Variants in PPP1R3C observed in about 807,000 individuals in gnomAD.
The protein encoded by PPP1R3C is protein phosphatase 1 regulatory subunit 3C.
In PPP1R3C, 20 loss-of-function variants were observed where a neutral mutation model predicts 29.3. The ratio of observed to expected loss-of-function variants is 0.68; its 90% confidence interval spans 0.48 to 0.99. The LOEUF (loss-of-function observed/expected upper bound fraction) is 0.99. Ranked by LOEUF, PPP1R3C falls within the 50% of genes least tolerant of loss-of-function variation. The pLI, the probability that PPP1R3C is intolerant of heterozygous loss-of-function variation, is 0.00. For missense variants in PPP1R3C, 321 were observed against 386.0 expected, an observed-to-expected ratio of 0.83 and a Z score of 1.41; for synonymous variants, 123 against 143.1, an observed-to-expected ratio of 0.86 and a Z score of 1.00.
intron 1 of PPP1R3C, 82 bp downstream of exon 1, chr10:91,632,874 G>C: frequency 1.9e-6 from 3 of 1,542,866 alleles, no homozygotes; most frequent in South Asian, 2.4e-5. Flanking sequence ...TTCCAGAGAT[G>C]ATAGAACTGA....
chr10:91,630,101 T>C lies in PPP1R3C; in HGVS notation c.780A>G (p.Gln260=), dbSNP rs753730318. The C allele has an allele frequency of 3.1e-5, 50 of 1,614,098 alleles. No homozygotes were observed. The highest frequency in any genetic ancestry group is 5.5e-5 in the South Asian group (5 of 91,090). ...DGQNYRIVHV[Q]WKPDGVQTQM... is the part of the protein sequence containing the mutation. ...GTGTCTGCACCCCATCAGGCTTCCA[T>C]TGAACATGAACAATTCTATAATTCT... The change falls in exon 2 of 2, where the codon CAA becomes CAG. Residue 260 remains glutamine (Q), a synonymous_variant. Coordinates refer to ENST00000238994, the MANE Select transcript of PPP1R3C (RefSeq NM_005398.7). This position sits in a 1 kb window ranked among gnomAD's most constrained non-coding sequence, Gnocchi z 4.4.
chr10:91,633,050 G>C lies in PPP1R3C; in HGVS notation c.-81C>G. On this transcript the variant is annotated 5_prime_UTR_variant, in exon 1 of 2. Transcript: ENST00000238994. ...AACCACAGCTCCAGGCCTTGCCCCC[G>C]CGGCGGTCGCTGGGAGAGACTGAGG... The C allele has an allele frequency of 6.4e-7, 1 of 1,561,136 alleles. No homozygotes were observed. Among genetic ancestry groups the C allele is most frequent in the Non-Finnish European group, 8.7e-7 (1 of 1,149,430 alleles).
At position 91,628,645 on chromosome 10, in the gene PPP1R3C, G is replaced by A. The variant is rs1383152580; in HGVS notation, c.*1282C>T. On this transcript the variant is annotated 3_prime_UTR_variant, in exon 2 of 2. Transcript: ENST00000238994. ...TCTTGTAACACCTCTCAATGGTTGT[G>A]CACAATAATAGAAGCAACATTCTGG... 6.6e-6 allele frequency: 1 copy of A among 152,064 alleles called. No individual in the cohort carries two copies. Among genetic ancestry groups the A allele is most frequent in the Admixed American group, 6.6e-5 (1 of 15,266 alleles). The allele number at this position is 152,064 out of a possible 1,614,324, so 9.4% of individuals were successfully genotyped here. A position where few individuals can be genotyped will look rare whatever the true frequency, so the allele number is the denominator to read the frequency against.
chr10:91,630,165 T>C lies in PPP1R3C; in HGVS notation c.716A>G (p.His239Arg), dbSNP rs553748981. 8.7e-6 allele frequency: 14 copies of C among 1,614,184 alleles called. No homozygotes were observed. The highest frequency in any genetic ancestry group is 6.8e-6 in the Non-Finnish European group (8 of 1,180,036). ...GTCCCAAAAGACTTGCCCATTAGCA[T>C]GGTAAGAAATGCAGAACTCAATTTT... is the stretch of plus-strand genomic sequence containing the variant. ...EQKIEFCISY[H>R]ANGQVFWDNN... Residue 239 changes from histidine to arginine, a missense_variant, in exon 2 of 2, where the codon CAT becomes CGT. Coordinates refer to ENST00000238994, the MANE Select transcript of PPP1R3C (RefSeq NM_005398.7). This position sits in a 1 kb window ranked among gnomAD's most constrained non-coding sequence, Gnocchi z 4.4.
rs111582893 is a variant in PPP1R3C, at chr10:91,630,536, A to C, written c.345T>G (p.Asp115Glu). 4,432 of 1,614,144 alleles carry C rather than the reference A, an allele frequency of 2.7e-3. 115 individuals carry two copies. The African/African-American group carries it at 0.052, about 19-fold the overall frequency. Residue 115 changes from aspartate to glutamate, a missense_variant, in exon 2 of 2, where the codon GAT (aspartate) becomes GAG (glutamate). Asp to Glu is a conservative substitution (Grantham distance 45). Coordinates refer to ENST00000238994, the MANE Select transcript of PPP1R3C (RefSeq NM_005398.7). This position sits in a 1 kb window ranked among gnomAD's most constrained non-coding sequence, Gnocchi z 4.4. Reference sequence around the variant, plus strand: ...AGGAGATATCATTAAGGTCCAAGAGATCAAACTGCAGATCCCACGCTGGTT... The same window carrying C: ...AGGAGATATCATTAAGGTCCAAGAGCTCAAACTGCAGATCCCACGCTGGTT... Reference protein sequence around the residue: ...PEEPAWDLQFDLLDLNDISSA... With the variant: ...PEEPAWDLQFELLDLNDISSA...
chr10:91,630,258 T>A lies in PPP1R3C; in HGVS notation c.623A>T (p.Tyr208Phe), dbSNP rs1303503889. ...DVDCVYMKNV[Y>F]GGTDSDTFSF... ...GAAGGTATCACTATCTGTGCCACCA[T>A]ACACATTTTTCATATAGACACAGTC... Residue 208 changes from tyrosine (Y) to phenylalanine (F), a missense_variant, in exon 2 of 2, where the codon TAT becomes TTT. By Grantham distance (22) the Tyr-to-Phe change is conservative. Coordinates refer to ENST00000238994, the MANE Select transcript of PPP1R3C (RefSeq NM_005398.7). The surrounding 1 kb of genome is among the most constrained non-coding windows in gnomAD (Gnocchi z 4.4). 1 of 1,614,104 alleles carries A rather than the reference T, an allele frequency of 6.2e-7. No homozygotes were observed. The highest frequency in any genetic ancestry group is 1.3e-5 in the African/African-American group (1 of 74,948).
At chr10:91,632,892 C>G in intron 1 of PPP1R3C, 64 bp downstream of exon 1, 2 of 1,575,730 alleles carry the variant, frequency 1.3e-6, no homozygotes, top group Non-Finnish European at 1.7e-6. Context: ...TGAAACGCCC[C>G]CCAACTTCCC....
At position 91,632,332 on chromosome 10, in the gene PPP1R3C, C is replaced by A. The variant is rs78764601; in HGVS notation, c.14+624G>T. ...TAATAGGCAGGATTTTTAGAGAAGT[C>A]TTCTGCTAAGCTATGTCTGGAGAAG... is the stretch of plus-strand genomic sequence containing the variant. On this transcript the variant is annotated intron_variant, in intron 1 of 1. Coordinates refer to ENST00000238994, the MANE Select transcript of PPP1R3C (RefSeq NM_005398.7). Among the ~76,000 whole-genome samples the A allele has an allele frequency of 2.6e-3, 396 of 151,038 alleles. 1 individual carries two copies. The highest frequency in any genetic ancestry group is 4.5e-3 in the Non-Finnish European group (308 of 67,936).
intron 1 of PPP1R3C, among the ~76,000 whole-genome samples, chr10:91,632,467 T>G (rs1848727475): frequency 6.6e-6 from 1 of 152,120 alleles, no homozygotes; most frequent in African/African-American, 2.4e-5. Context: ...CCTTGGAACT[T>G]TAAGTCCTGG....
intron 1 of PPP1R3C, among the ~76,000 whole-genome samples, chr10:91,632,401 T>G (rs1234857755): frequency 5.2e-5 from 7 of 135,188 alleles, no homozygotes; most frequent in Admixed American, 1.4e-4. Context: ...GGTTTTTTTG[T>G]TTTTTTTTTT....
chr10:91,629,662 GGAA>G lies in PPP1R3C; in HGVS notation c.*262_*264del. 2 of 489,938 alleles carry G rather than the reference GGAA, an allele frequency of 4.1e-6. No individual in the cohort carries two copies. Among genetic ancestry groups the G allele is most frequent in the South Asian group, 4.8e-5 (2 of 41,904 alleles). 30.3% of individuals were successfully genotyped at this position (489,938 alleles called of 1,614,324 possible). On this transcript the variant is annotated 3_prime_UTR_variant, in exon 2 of 2. Coordinates refer to ENST00000238994, the MANE Select transcript of PPP1R3C (RefSeq NM_005398.7). ...TGAAAGCTAGTGGATTGAGAGGGAA[GGAA>G]GAAGGGAACTGAAAAAGTATTACCT...
chr10:91,632,850 C>A (rs983138561), intron 1 of PPP1R3C, 106 bp downstream of exon 1: 1 of 1,488,098 alleles, frequency 6.7e-7, no homozygotes, highest in Admixed American at 2.0e-5. Context: ...TTGTCCTCCC[C>A]CTGGGGTGTC....
Position 91,630,462 on chromosome 10 carries a change from T to C in PPP1R3C, c.419A>G (p.Gln140Arg). The C allele has an allele frequency of 6.2e-7, 1 of 1,614,226 alleles. No homozygotes were observed. Among genetic ancestry groups the C allele is most frequent in the Non-Finnish European group, 8.5e-7 (1 of 1,180,048 alleles). ...EEKNLILDFP[Q>R]PSTDYLSFRS... ...GAAACTTAAGTAATCGGTTGAAGGC[T>C]GAGGGAAATCTAAAATCAAGTTTTT... is the stretch of plus-strand genomic sequence containing the variant. Residue 140 changes from glutamine (Q) to arginine (R), a missense_variant, in exon 2 of 2, where the codon CAG becomes CGG. Physicochemically the swap from Gln to Arg is conservative, Grantham distance 43. Transcript: ENST00000238994. This position sits in a 1 kb window ranked among gnomAD's most constrained non-coding sequence, Gnocchi z 4.4.
chr10:91,630,880 A>G lies in PPP1R3C; in HGVS notation c.15-14T>C, dbSNP rs2133484121. ...ACCTGGATCATTCTGGAATGCAAAA[A>G]GAAGAGGGATTATCACCTGGATCGG... On this transcript the variant is annotated splice_polypyrimidine_tract_variant and intron_variant, in intron 1 of 1. Transcript: ENST00000238994. The surrounding 1 kb of genome is among the most constrained non-coding windows in gnomAD (Gnocchi z 4.4). The G allele has an allele frequency of 6.2e-7, 1 of 1,600,524 alleles. No homozygotes were observed. The highest frequency in any genetic ancestry group is 8.5e-7 in the Non-Finnish European group (1 of 1,173,884).
Position 91,632,850 on chromosome 10 carries a change from C to G in PPP1R3C, c.14+106G>C, listed in dbSNP as rs983138561. The G allele has an allele frequency of 9.4e-6, 14 of 1,488,098 alleles. No homozygotes were observed. The Middle Eastern group carries it at 5.1e-4, about 54-fold the overall frequency. The allele number at this position is 1,488,098 out of a possible 1,614,324, so 92.2% of individuals were successfully genotyped here. On this transcript the variant is annotated intron_variant, in intron 1 of 1. Coordinates refer to ENST00000238994, the MANE Select transcript of PPP1R3C (RefSeq NM_005398.7). ...ACGCAGTCAGTCCACTTGTCCTCCC[C>G]CTGGGGTGTCCATTTCCAGAGATGA...
At chr10:91,631,867 T>C (rs1227212215) in intron 1 of PPP1R3C, among the ~76,000 whole-genome samples, 1 of 152,196 alleles carries the variant, frequency 6.6e-6, no homozygotes, top group African/African-American at 2.4e-5. Context: ...GTGATAGGAT[T>C]ATAGATTATC....
rs780634977 is a variant in PPP1R3C, at chr10:91,630,519, T to A, written c.362A>T (p.Asp121Val). 1.2e-6 allele frequency: 2 copies of A among 1,614,154 alleles called. No homozygotes were observed. The highest frequency in any genetic ancestry group is 1.7e-6 in the Non-Finnish European group (2 of 1,180,022). ...GTGGTGTTTTAAGGCAGAGGAGATA[T>A]CATTAAGGTCCAAGAGATCAAACTG... ...DLQFDLLDLN[D>V]ISSALKHHEE... The change falls in exon 2 of 2, where the codon GAT becomes GTT. Residue 121 changes from aspartate to valine, a missense_variant. Coordinates refer to ENST00000238994, the MANE Select transcript of PPP1R3C (RefSeq NM_005398.7). This position sits in a 1 kb window ranked among gnomAD's most constrained non-coding sequence, Gnocchi z 4.4.
chr10:91,630,393 G>A lies in PPP1R3C; in HGVS notation c.488C>T (p.Ser163Leu), dbSNP rs201906651. The change falls in exon 2 of 2, where the codon TCG becomes TTG. Residue 163 changes from serine (S) to leucine (L), a missense_variant. Transcript: ENST00000238994. The surrounding 1 kb of genome is among the most constrained non-coding windows in gnomAD (Gnocchi z 4.4). ...CCCTGTCACTGTTCGCTCTTGCAAC[G>A]AGCAGTTCTCCAGACAGACAAAGTT... ...QKNFVCLENC[S>L]LQERTVTGTV... 133 of 1,614,134 alleles carry A rather than the reference G, an allele frequency of 8.2e-5. No homozygotes were observed. Among genetic ancestry groups the A allele is most frequent in the Non-Finnish European group, 5.8e-5 (68 of 1,180,024 alleles).
chr10:91,631,399 C>T (rs1176165984), intron 1 of PPP1R3C, among the ~76,000 whole-genome samples: 1 of 152,074 alleles, frequency 6.6e-6, no homozygotes, highest in Non-Finnish European at 1.5e-5. Context: ...GTTCTTAAAG[C>T]TTCCCAGGTG....
Sources: allele counts gnomAD v4.1 joint callset (sites outside exome capture counted in the v4.1 genomes callset), GRCh38; gene constraint gnomAD v4.1.1; non-coding constraint Gnocchi (gnomAD v3.1); transcripts MANE v1.5; gene names NCBI Gene and HGNC (gene_info 2026-07-23, HGNC 2026-07-21).